LGI1: variants seen among roughly 807,000 people sequenced by gnomAD.
LGI1 encodes the protein leucine-rich glioma-inactivated protein 1.
In LGI1, 11 loss-of-function variants were observed where a neutral mutation model predicts 57.7. The ratio of observed to expected loss-of-function variants is 0.19; its 90% CI spans 0.12 to 0.32. The LOEUF (loss-of-function observed/expected upper bound fraction) is 0.32, where lower values mean the gene tolerates loss of function less well. Among genes scored for constraint, LGI1 ranks in the 10% least tolerant of loss-of-function variants. LGI1 has a pLI of 1.00. For missense variants in LGI1, 422 were observed against 661.9 expected (o/e 0.64, Z 3.98); for synonymous variants, 222 against 241.9 (o/e 0.92, Z 0.76).
At chr10:93,790,520 G>A (rs2059928421) in intron 5 of LGI1, 2 of 235,978 alleles carry the variant, frequency 8.5e-6, no homozygotes, top group South Asian at 1.3e-4. Context: ...GGGCTACAAA[G>A]GAAAAACATA....
intron 7 of LGI1, among the ~76,000 whole-genome samples, chr10:93,795,417 G>A (rs2059972169): frequency 6.6e-6 from 1 of 152,106 alleles, no homozygotes. Flanking sequence ...GGCAAAAAAA[G>A]ATCTAACAGA....
chr10:93,791,840 T>A (rs1307719172), intron 5 of LGI1: 1 of 152,198 alleles, frequency 6.6e-6, no homozygotes, highest in Non-Finnish European at 1.5e-5. Flanking sequence ...TGTGTCAAAG[T>A]CATTTCCTAT....
At chr10:93,789,258 T>G (rs1181251973) in intron 4 of LGI1, 2 of 152,126 alleles carry the variant, frequency 1.3e-5, no homozygotes, top group African/African-American at 4.8e-5. Flanking sequence ...TAAGAAAACT[T>G]TTTTCTGAGG....
At chr10:93,789,983 C>A in intron 4 of LGI1, 116 bp from the exon 5 acceptor site, 2 of 1,022,588 alleles carry the variant, frequency 2.0e-6, no homozygotes, top group Non-Finnish European at 2.8e-6. Context: ...AAAAGGACCA[C>A]AAGTCTTTTA....
intron 4 of LGI1, among the ~76,000 whole-genome samples, chr10:93,779,213 C>T (rs933746877): frequency 6.6e-6 from 1 of 151,228 alleles, no homozygotes; most frequent in Non-Finnish European, 1.5e-5. Flanking sequence ...GATTCACATA[C>T]ATCCCAATCC....
chr10:93,777,974 T>G (rs1346459994), intron 4 of LGI1, among the ~76,000 whole-genome samples: 2 of 152,202 alleles, frequency 1.3e-5, no homozygotes, highest in Non-Finnish European at 2.9e-5. Flanking sequence ...AGCCCTCACT[T>G]TATATACATT....
chr10:93,794,973 T>C (rs1266134039), intron 7 of LGI1: 1 of 152,148 alleles, frequency 6.6e-6, no homozygotes, highest in Non-Finnish European at 1.5e-5. Flanking sequence ...GAGACCCTTT[T>C]GGAATCCTCC....
chr10:93,792,912 G>A lies in LGI1; in HGVS notation c.673G>A (p.Glu225Lys). The A allele has an allele frequency of 6.2e-7, 1 of 1,613,168 alleles. No homozygotes were observed. Among genetic ancestry groups the A allele is most frequent in the Non-Finnish European group, 8.5e-7 (1 of 1,179,276 alleles). ...SSKDFDCIITEFAKSQDLPYQ... is the reference protein window; with the variant it reads ...SSKDFDCIITKFAKSQDLPYQ... Reference sequence around the variant, plus strand: ...GAAGGATTTTGATTGCATCATTACAGGTAATGTACTCATCATCATTCCACC... The same window carrying A: ...GAAGGATTTTGATTGCATCATTACAAGTAATGTACTCATCATCATTCCACC... Residue 225 changes from glutamate (E) to lysine (K), a missense_variant and splice_region_variant, in exon 6 of 8, where the codon GAA becomes AAA. Glu to Lys is a moderately conservative substitution (Grantham distance 56). Around this residue, in one of 3 missense-constraint regions of LGI1, gnomAD observed 301 missense variants for 461.7 expected, o/e 0.65. Coordinates refer to ENST00000371418, the MANE Select transcript of LGI1 (RefSeq NM_005097.4).
At position 93,759,382 on chromosome 10, in the gene LGI1, T is replaced by C. The variant is rs547874335; in HGVS notation, c.287+551T>C. The C allele has an allele frequency of 3.0e-5, 5 of 166,306 alleles. No individual in the cohort carries two copies. The East Asian group carries it at 7.0e-4, about 23-fold the overall frequency. 10.3% of individuals were successfully genotyped at this position (166,306 alleles called of 1,614,324 possible). A position where few individuals can be genotyped will look rare whatever the true frequency, so the allele number is the denominator to read the frequency against. On this transcript the variant is annotated intron_variant, in intron 2 of 7. Coordinates refer to ENST00000371418, the MANE Select transcript of LGI1 (RefSeq NM_005097.4). ...CCATTACAAGGAGGGAAAGAAAATA[T>C]TAATATAGGATAGTGCAAAGGATTA...
At chr10:93,783,145 A>C (rs2059861480) in intron 4 of LGI1, 1 of 72,022 alleles carries the variant, frequency 1.4e-5, no homozygotes, top group Admixed American at 1.8e-4. Flanking sequence ...TGGGAGGCCG[A>C]GGTGGGCGGA....
In LGI1 at chr10:93,797,966, G is replaced by A. The variant is rs1411353914; in HGVS notation, c.*163G>A. The A allele has an allele frequency of 1.5e-6, 1 of 661,728 alleles. No homozygotes were observed. Among genetic ancestry groups the A allele is most frequent in the Non-Finnish European group, 2.7e-6 (1 of 368,174 alleles). 41.0% of individuals were successfully genotyped at this position (661,728 alleles called of 1,614,324 possible). On this transcript the variant is annotated 3_prime_UTR_variant, in exon 8 of 8. Transcript: ENST00000371418. The surrounding 1 kb of genome is among the most constrained non-coding windows in gnomAD (Gnocchi z 6.5). ...CAGTATCTCCATCCTTAACTGTCCA[G>A]TCCAGTGATGTGGGAAGTTACCTTT...
intron 4 of LGI1, among the ~76,000 whole-genome samples, chr10:93,787,651 T>C (rs2059901862): frequency 6.6e-6 from 1 of 152,116 alleles, no homozygotes; most frequent in Non-Finnish European, 1.5e-5. Flanking sequence ...CTCACACCTG[T>C]AATCCCAGCA....
intron 5 of LGI1, 102 bp from the exon 6 acceptor site, chr10:93,792,641 G>A (rs1319826970): frequency 1.4e-5 from 17 of 1,237,436 alleles, no homozygotes; most frequent in African/African-American, 4.4e-5. Context: ...AGGATGCAAC[G>A]CCGGGTAAGG....
intron 2 of LGI1, chr10:93,767,087 G>A (rs1009590021): frequency 1.3e-5 from 2 of 152,178 alleles, no homozygotes; most frequent in Non-Finnish European, 2.9e-5. Context: ...AGAGTTTTCA[G>A]GAGAATGTGC....
chr10:93,760,763 C>A (rs1382881647), intron 2 of LGI1, among the ~76,000 whole-genome samples: 1 of 152,192 alleles, frequency 6.6e-6, no homozygotes, highest in Non-Finnish European at 1.5e-5. Context: ...TTTTAAATAG[C>A]CCAACCGAGT....
intron 2 of LGI1, chr10:93,767,358 T>A (rs2059690148): frequency 6.6e-6 from 1 of 151,702 alleles, no homozygotes; most frequent in Non-Finnish European, 1.5e-5. Flanking sequence ...AAAGAAGAGT[T>A]CTGTGCTCAA....
intron 4 of LGI1, among the ~76,000 whole-genome samples, chr10:93,785,705 G>A (rs79625400): frequency 0.032 from 3,838 of 121,226 alleles, 748 homozygotes; most frequent in Middle Eastern, 0.093. Flanking sequence ...AGACAGAACT[G>A]GGAAAATTTT....
chr10:93,777,939 G>T (rs1410466325), intron 4 of LGI1, among the ~76,000 whole-genome samples: 1 of 152,166 alleles, frequency 6.6e-6, no homozygotes, highest in East Asian at 1.9e-4. Flanking sequence ...TGTATAATTT[G>T]ATATCAGCTT....
At chr10:93,784,847 G>A (rs1293898245) in intron 4 of LGI1, among the ~76,000 whole-genome samples, 1 of 152,138 alleles carries the variant, frequency 6.6e-6, no homozygotes, top group East Asian at 1.9e-4. Context: ...TGACACTCTA[G>A]AGGAAAGAGA....
Sources: gnomAD v4.1 joint callset for allele counts (sites outside exome capture counted in the v4.1 genomes callset) on GRCh38, gnomAD v4.1.1 for gene constraint, gnomAD v4.1.1 regional missense constraint, Gnocchi (gnomAD v3.1) non-coding constraint, MANE v1.5 for transcripts, NCBI Gene and HGNC (gene_info 2026-07-23, HGNC 2026-07-21) for gene names.